ZNF891: variants seen among roughly 807,000 people sequenced by gnomAD.
ZNF891 encodes the protein zinc finger protein 891.
For synonymous variants in ZNF891, 199 were observed against 209.0 expected (o/e 0.95, Z 0.41); for missense variants, 589 against 632.7 (o/e 0.93, Z 0.74).
At position 133,105,847 on chromosome 12, in the gene ZNF891, A is replaced by C; in HGVS notation, c.*14437T>G. The C allele has an allele frequency of 6.2e-7, 1 of 1,614,206 alleles. No individual in the cohort carries two copies. The highest frequency in any genetic ancestry group is 1.1e-5 in the South Asian group (1 of 91,080). On this transcript the variant is annotated 3_prime_UTR_variant, in exon 2 of 2. Transcript: ENST00000537226. ...CTCATACTGGAGAGAAACCATATGC[A>C]TGTAAGGAATGTGGCAAAACCTTTA...
Position 133,121,101 on chromosome 12 carries a change from C to A in ZNF891, c.818G>T (p.Gly273Val). Reference sequence around the variant, plus strand: ...AAACATATTATGTGTGAAGTGCATTCCATGTTTAGAATATGTGTACTCTTT... The same window carrying A: ...AAACATATTATGTGTGAAGTGCATTACATGTTTAGAATATGTGTACTCTTT... ...VQKEYTYSKH[G>V]MHFTHNMFPV... The change falls in exon 2 of 2, where the codon GGA (glycine) becomes GTA (valine). Residue 273 changes from glycine to valine, a missense_variant. By Grantham distance (109) the Gly-to-Val change is moderately radical. Coordinates refer to ENST00000537226, the MANE Select transcript of ZNF891 (RefSeq NM_001277291.2). 6.5e-7 allele frequency: 1 copy of A among 1,535,456 alleles called. No individual in the cohort carries two copies. The highest frequency in any genetic ancestry group is 1.2e-5 in the South Asian group (1 of 84,044).
Position 133,121,906 on chromosome 12 carries a change from C to A in ZNF891, c.13G>T (p.Asp5Tyr). The A allele has an allele frequency of 6.5e-7, 1 of 1,533,114 alleles. No individual in the cohort carries two copies. Among genetic ancestry groups the A allele is most frequent in the South Asian group, 1.2e-5 (1 of 83,602 alleles). 95.0% of individuals were successfully genotyped at this position (1,533,114 alleles called of 1,614,324 possible). A position where few individuals can be genotyped will look rare whatever the true frequency, so the allele number is the denominator to read the frequency against. The change falls in exon 2 of 2, where the codon GAC becomes TAC. Residue 5 changes from aspartate to tyrosine, a missense_variant. By Grantham distance (160) the Asp-to-Tyr change is radical. Transcript: ENST00000537226. MAVM[D>Y]LSSPWALTKQ... ...GTTAAAGCCCATGGGGAGGATAGGT[C>A]CATAACTGCCATTTTATGAGTACAT...
At position 133,105,450 on chromosome 12, in the gene ZNF891, G is replaced by T. The variant is rs1241070014; in HGVS notation, c.*14834C>A. On this transcript the variant is annotated 3_prime_UTR_variant, in exon 2 of 2. Coordinates refer to ENST00000537226, the MANE Select transcript of ZNF891 (RefSeq NM_001277291.2). ...TTCTGTTGCTAAAGAAGGGAGAAAT[G>T]GCCTTATTTTATTCAATACAGGAAA... is the stretch of plus-strand genomic sequence containing the variant. The T allele has an allele frequency of 2.7e-5, 40 of 1,455,642 alleles. 1 individual carries two copies. The Middle Eastern group carries it at 7.2e-4, about 26-fold the overall frequency. The allele number at this position is 1,455,642 out of a possible 1,614,324, so 90.2% of individuals were successfully genotyped here.
At chr12:133,127,704 G>C (rs1955830518) in intron 1 of ZNF891, among the ~76,000 whole-genome samples, 1 of 152,206 alleles carries the variant, frequency 6.6e-6, no homozygotes, top group Non-Finnish European at 1.5e-5. Flanking sequence ...GGTGAGATGA[G>C]GAAATTGATG....
At position 133,120,532 on chromosome 12, in the gene ZNF891, T is replaced by C. The variant is rs752508273; in HGVS notation, c.1387A>G (p.Ser463Gly). 29 of 1,572,338 alleles carry C rather than the reference T, an allele frequency of 1.8e-5. No individual in the cohort carries two copies. The highest frequency in any genetic ancestry group is 1.7e-4 in the Middle Eastern group (1 of 6,036). The change falls in exon 2 of 2, where the codon AGT becomes GGT. Residue 463 changes from serine (S) to glycine (G), a missense_variant. By Grantham distance (56) the Ser-to-Gly change is moderately conservative. Transcript: ENST00000537226. ...CCACTGAAAACTTTCCCACAGTCAC[T>C]GCATTCATAAACATTCTCTCCGGTA... is the stretch of plus-strand genomic sequence containing the variant. ...IHTGENVYECSDCGKVFSGVS... is the reference protein window; with the variant it reads ...IHTGENVYECGDCGKVFSGVS...
Position 133,106,442 on chromosome 12 carries a change from G to C in ZNF891, c.*13842C>G. ...TGGAGAGAAACCCTATGCGTGTGCT[G>C]AATGTGATAAAGCCTTCAGCCGGAG... On this transcript the variant is annotated 3_prime_UTR_variant, in exon 2 of 2. Coordinates refer to ENST00000537226, the MANE Select transcript of ZNF891 (RefSeq NM_001277291.2). 6.2e-7 allele frequency: 1 copy of C among 1,614,022 alleles called. No individual in the cohort carries two copies. The highest frequency in any genetic ancestry group is 1.7e-5 in the Admixed American group (1 of 60,020).
Position 133,106,032 on chromosome 12 carries a change from A to C in ZNF891, c.*14252T>G. 1 of 1,614,178 alleles carries C rather than the reference A, an allele frequency of 6.2e-7. No individual in the cohort carries two copies. The highest frequency in any genetic ancestry group is 8.5e-7 in the Non-Finnish European group (1 of 1,180,026). On this transcript the variant is annotated 3_prime_UTR_variant, in exon 2 of 2. Coordinates refer to ENST00000537226, the MANE Select transcript of ZNF891 (RefSeq NM_001277291.2). ...CCTTATGAATGTACTGAGTGTGGAA[A>C]GGCCTTTAGCCGTGCCTCCAACCTC...
At chr12:133,127,184 C>A (rs528826922) in intron 1 of ZNF891, among the ~76,000 whole-genome samples, 33 of 152,046 alleles carry the variant, frequency 2.2e-4, no homozygotes, top group African/African-American at 6.7e-4. Flanking sequence ...CCAGCCTGGT[C>A]TTGAACTCCT....
Position 133,114,756 on chromosome 12 carries a change from A to G in ZNF891, c.*5528T>C, listed in dbSNP as rs1955706161. The stretch of plus-strand genomic sequence containing the variant: ...ATAAATAGGACAGGTTAAATTAGGG[A>G]GACAGTGAAGATAAAGGGAATAACC... On this transcript the variant is annotated 3_prime_UTR_variant, in exon 2 of 2. Coordinates refer to ENST00000537226, the MANE Select transcript of ZNF891 (RefSeq NM_001277291.2). The G allele has an allele frequency of 6.6e-6, 1 of 152,258 alleles. No individual in the cohort carries two copies. The highest frequency in any genetic ancestry group is 2.1e-4 in the South Asian group (1 of 4,838). The allele number at this position is 152,258 out of a possible 1,614,324, so 9.4% of individuals were successfully genotyped here. A position where few individuals can be genotyped will look rare whatever the true frequency, so the allele number is the denominator to read the frequency against.
rs1173593778 is a variant in ZNF891, at chr12:133,117,193, T to C, written c.*3091A>G. Reference sequence around the variant, plus strand: ...CCACCTTCCTCTTAGCAGATAATCTTACCATGAAACCTATAATCATATATC... The same window carrying C: ...CCACCTTCCTCTTAGCAGATAATCTCACCATGAAACCTATAATCATATATC... On this transcript the variant is annotated 3_prime_UTR_variant, in exon 2 of 2. Coordinates refer to ENST00000537226, the MANE Select transcript of ZNF891 (RefSeq NM_001277291.2). 1 of 152,224 alleles carries C rather than the reference T, an allele frequency of 6.6e-6. No homozygotes were observed. The highest frequency in any genetic ancestry group is 1.9e-4 in the East Asian group (1 of 5,206). The allele number at this position is 152,224 out of a possible 1,614,324, so 9.4% of individuals were successfully genotyped here.
Position 133,121,306 on chromosome 12 carries a change from T to A in ZNF891, c.613A>T (p.Ile205Phe). The A allele has an allele frequency of 6.5e-7, 1 of 1,535,504 alleles. No individual in the cohort carries two copies. Among genetic ancestry groups the A allele is most frequent in the South Asian group, 1.2e-5 (1 of 84,028 alleles). The change falls in exon 2 of 2, where the codon ATT becomes TTT. Residue 205 changes from isoleucine to phenylalanine, a missense_variant. Physicochemically the swap from Ile to Phe is conservative, Grantham distance 21 (BLOSUM62 0). Transcript: ENST00000537226. ...CTGGTGAAAATGCTCTGTGAAAAAATAAGTTTTGATCCAAGTTTAGAGTTT... is the reference window on the plus strand; with the variant it reads ...CTGGTGAAAATGCTCTGTGAAAAAAAAAGTTTTGATCCAAGTTTAGAGTTT... ...EENSKLGSKL[I>F]FSQSIFTSKH...
chr12:133,124,163 T>C (rs1432168046), intron 1 of ZNF891, among the ~76,000 whole-genome samples: 2 of 152,152 alleles, frequency 1.3e-5, no homozygotes, highest in African/African-American at 4.8e-5. Flanking sequence ...CAAAACAGTA[T>C]CTTCAGAAAC....
In ZNF891 at chr12:133,115,354, C is replaced by T. The variant is rs950848815; in HGVS notation, c.*4930G>A. The T allele has an allele frequency of 8.8e-6, 1 of 114,160 alleles. No homozygotes were observed. The highest frequency in any genetic ancestry group is 1.8e-5 in the Non-Finnish European group (1 of 54,992). The allele number at this position is 114,160 out of a possible 1,614,324, so 7.1% of individuals were successfully genotyped here. The stretch of plus-strand genomic sequence containing the variant: ...GTTGCTGTGAGCCGAGAACGTGCCA[C>T]TGCACTCCAGCCTGGGAAAAAGCAA... On this transcript the variant is annotated 3_prime_UTR_variant, in exon 2 of 2. Coordinates refer to ENST00000537226, the MANE Select transcript of ZNF891 (RefSeq NM_001277291.2).
rs1381357464 is a variant in ZNF891, at chr12:133,118,199, CAA to C, written c.*2083_*2084del. 6.6e-6 allele frequency: 1 copy of C among 152,214 alleles called. No homozygotes were observed. The highest frequency in any genetic ancestry group is 1.5e-5 in the Non-Finnish European group (1 of 68,116). 9.4% of individuals were successfully genotyped at this position (152,214 alleles called of 1,614,324 possible). Reference sequence around the variant, plus strand: ...TTGTGATCCGCCTGCCTCAGCCTCTCAAAGTGCCAGGATTACAGGCGTGAACC... The same window carrying C: ...TTGTGATCCGCCTGCCTCAGCCTCTCAGTGCCAGGATTACAGGCGTGAACC... On this transcript the variant is annotated 3_prime_UTR_variant, in exon 2 of 2. Coordinates refer to ENST00000537226, the MANE Select transcript of ZNF891 (RefSeq NM_001277291.2).
rs1050031618 is a variant in ZNF891 at position 133,106,100 on chromosome 12, T to C, written c.*14184A>G. ...TCACATAGGAAAGAAACAATATATA[T>C]GTAGGAAATGTGGTAAAGCATTTAG... On this transcript the variant is annotated 3_prime_UTR_variant, in exon 2 of 2. Coordinates refer to ENST00000537226, the MANE Select transcript of ZNF891 (RefSeq NM_001277291.2). 1 of 1,614,086 alleles carries C rather than the reference T, an allele frequency of 6.2e-7. No individual in the cohort carries two copies. Among genetic ancestry groups the C allele is most frequent in the Non-Finnish European group, 8.5e-7 (1 of 1,180,004 alleles).
In ZNF891 at chr12:133,106,725, C is replaced by A; in HGVS notation, c.*13559G>T. 1 of 1,341,186 alleles carries A rather than the reference C, an allele frequency of 7.5e-7. No individual in the cohort carries two copies. The highest frequency in any genetic ancestry group is 1.0e-6 in the Non-Finnish European group (1 of 997,184). 83.1% of individuals were successfully genotyped at this position (1,341,186 alleles called of 1,614,324 possible). A position where few individuals can be genotyped will look rare whatever the true frequency, so the allele number is the denominator to read the frequency against. On this transcript the variant is annotated 3_prime_UTR_variant, in exon 2 of 2. Coordinates refer to ENST00000537226, the MANE Select transcript of ZNF891 (RefSeq NM_001277291.2). ...AAGTATAATGCCTTACTTCAGAGAA[C>A]TCTTGGAAAGAAGCCTTATGTGAAA...
At chr12:133,126,513 T>C (rs1955817737) in intron 1 of ZNF891, among the ~76,000 whole-genome samples, 1 of 148,290 alleles carries the variant, frequency 6.7e-6, no homozygotes, top group Admixed American at 6.8e-5. Context: ...TAAGGAACTT[T>C]TCTAGAAAGC....
rs1244356004 is a variant in ZNF891 at position 133,112,744 on chromosome 12, C to T, written c.*7540G>A. 1.3e-5 allele frequency: 2 copies of T among 152,230 alleles called. No individual in the cohort carries two copies. The highest frequency in any genetic ancestry group is 2.1e-4 in the South Asian group (1 of 4,832). The allele number at this position is 152,230 out of a possible 1,614,324, so 9.4% of individuals were successfully genotyped here. A position where few individuals can be genotyped will look rare whatever the true frequency, so the allele number is the denominator to read the frequency against. On this transcript the variant is annotated 3_prime_UTR_variant, in exon 2 of 2. Coordinates refer to ENST00000537226, the MANE Select transcript of ZNF891 (RefSeq NM_001277291.2). ...AAAGTATCCACACCCTTTATCAACA[C>T]TTTCAAAAAGTTTGCCTTTAAAAAG... is the stretch of plus-strand genomic sequence containing the variant.
chr12:133,126,969 C>CTTTTT, intron 1 of ZNF891, among the ~76,000 whole-genome samples: 1 of 88,672 alleles, frequency 1.1e-5, no homozygotes, highest in Non-Finnish European at 2.1e-5. Context: ...TACAGGAAAA[C>CTTTTT]TTTTTTTTTT....
Sources: gnomAD v4.1 joint callset for allele counts (sites outside exome capture counted in the v4.1 genomes callset) on GRCh38, gnomAD v4.1.1 for gene constraint, MANE v1.5 for transcripts, NCBI Gene and HGNC (gene_info 2026-07-23, HGNC 2026-07-21) for gene names.